Variants in UNC5C observed in about 807,000 individuals in gnomAD.
UNC5C encodes the protein unc-5 netrin receptor C, also known as netrin receptor UNC5C.
A neutral mutation model predicts 99.8 loss-of-function variants in UNC5C; 47 were observed. The ratio of observed to expected loss-of-function variants is 0.47; its 90% CI spans 0.37 to 0.60. UNC5C has a LOEUF of 0.60. UNC5C is among the 20% of genes least tolerant of loss of function. The pLI, the probability that UNC5C is intolerant of heterozygous loss-of-function variation, is 0.00. For missense variants in UNC5C, 1,062 were observed against 1,165.9 expected, an observed-to-expected ratio of 0.91 and a Z score of 1.30; for synonymous variants, 487 against 452.2, an observed-to-expected ratio of 1.08 and a Z score of -0.98.
At chr4:95,430,770 C>T (rs1746614215) in intron 1 of UNC5C, among the ~76,000 whole-genome samples, 1 of 152,114 alleles carries the variant, frequency 6.6e-6, no homozygotes, top group Non-Finnish European at 1.5e-5. Flanking sequence ...ACATTGAAAG[C>T]AGCTTTCCTT....
chr4:95,202,471 C>T lies in UNC5C; in HGVS notation c.2136+260G>A, dbSNP rs11943923. Among the ~76,000 whole-genome samples the T allele has an allele frequency of 4.8e-3, 725 of 152,276 alleles. 11 individuals carry two copies. Among genetic ancestry groups the T allele is most frequent in the African/African-American group, 0.016 (668 of 41,524 alleles). On this transcript the variant is annotated intron_variant, in intron 12 of 15. Transcript: ENST00000453304. ...ATTTACCATCCACGGGTCTCGTTGCCAAATTCTTCTAAATTTTTCATTAAA... is the reference window on the plus strand; with the variant it reads ...ATTTACCATCCACGGGTCTCGTTGCTAAATTCTTCTAAATTTTTCATTAAA...
intron 7 of UNC5C, among the ~76,000 whole-genome samples, chr4:95,224,284 A>G (rs1030596178): frequency 6.6e-6 from 1 of 152,156 alleles, no homozygotes; most frequent in Non-Finnish European, 1.5e-5. Flanking sequence ...TCTGTCTCAA[A>G]AAATAAAAAG....
chr4:95,508,868 A>G (rs1721994792), intron 1 of UNC5C, among the ~76,000 whole-genome samples: 1 of 151,978 alleles, frequency 6.6e-6, no homozygotes, highest in Non-Finnish European at 1.5e-5. Flanking sequence ...TTGGAGGAGT[A>G]AACATCTTCT....
At chr4:95,341,641 G>A (rs1579340664) in intron 1 of UNC5C, among the ~76,000 whole-genome samples, 1 of 152,056 alleles carries the variant, frequency 6.6e-6, no homozygotes, top group East Asian at 1.9e-4. Flanking sequence ...TGTCCTCCCT[G>A]CAGGAACATC....
intron 1 of UNC5C, among the ~76,000 whole-genome samples, chr4:95,520,130 C>A (rs1027769945): frequency 6.6e-6 from 1 of 152,258 alleles, no homozygotes; most frequent in East Asian, 1.9e-4. Flanking sequence ...GGTCACAGAG[C>A]TTATCAAGTC....
intron 3 of UNC5C, among the ~76,000 whole-genome samples, chr4:95,290,275 C>A (rs2149399359): frequency 6.6e-6 from 1 of 151,558 alleles, no homozygotes; most frequent in East Asian, 1.9e-4. Flanking sequence ...CCACTGCAGT[C>A]CAGTTTGGAT....
chr4:95,286,670 C>T (rs1741244343), intron 3 of UNC5C, among the ~76,000 whole-genome samples: 2 of 152,000 alleles, frequency 1.3e-5, no homozygotes, highest in Admixed American at 1.3e-4. Context: ...GATTTTTTTT[C>T]TTGAAACATG....
intron 1 of UNC5C, among the ~76,000 whole-genome samples, chr4:95,526,082 A>G (rs1372100498): frequency 6.6e-6 from 1 of 152,160 alleles, no homozygotes; most frequent in Admixed American, 6.5e-5. Context: ...AAATTCATGA[A>G]AGGGCAACGA....
rs1409396499 is a variant in UNC5C, at chr4:95,499,300, C to A, written c.124+49434G>T. On this transcript the variant is annotated intron_variant, in intron 1 of 15. Transcript: ENST00000453304. ...TGTCCCATCAGGAATGTTTTGAAGG[C>A]CAATAAACCACTCAGCCCCTGCCCT... is the stretch of plus-strand genomic sequence containing the variant. Among the ~76,000 whole-genome samples the A allele has an allele frequency of 2.0e-5, 3 of 152,174 alleles. No homozygotes were observed. The East Asian group carries it at 5.8e-4, about 29-fold the overall frequency.
chr4:95,430,549 C>T (rs778211446), intron 1 of UNC5C, among the ~76,000 whole-genome samples: 12 of 152,078 alleles, frequency 7.9e-5, no homozygotes, highest in Non-Finnish European at 1.6e-4. Flanking sequence ...TCCTTTTAAT[C>T]TTTGTCACAT....
At chr4:95,492,132 G>T (rs35449392) in intron 1 of UNC5C, among the ~76,000 whole-genome samples, 39,890 of 151,152 alleles carry the variant, frequency 0.26, 6,420 homozygotes, top group Non-Finnish European at 0.35. Context: ...TATAAAATAG[G>T]CTATATTTCC....
At chr4:95,312,982 A>G (rs369897356) in intron 2 of UNC5C, among the ~76,000 whole-genome samples, 14 of 152,336 alleles carry the variant, frequency 9.2e-5, no homozygotes, top group African/African-American at 3.1e-4. Flanking sequence ...AACTTAGAAA[A>G]TTCTGGAAAT....
chr4:95,420,429 C>T (rs1746284270), intron 1 of UNC5C, among the ~76,000 whole-genome samples: 1 of 151,998 alleles, frequency 6.6e-6, no homozygotes, highest in Non-Finnish European at 1.5e-5. Flanking sequence ...CTAATTTGTT[C>T]TAGTTATTAG....
intron 1 of UNC5C, among the ~76,000 whole-genome samples, chr4:95,362,257 T>C (rs1744417843): frequency 6.6e-6 from 1 of 152,142 alleles, no homozygotes; most frequent in South Asian, 2.1e-4. Flanking sequence ...CTCCTGCCCA[T>C]CGGAGCGTTC....
At chr4:95,478,782 T>A (rs73838881) in intron 1 of UNC5C, among the ~76,000 whole-genome samples, 4,429 of 152,152 alleles carry the variant, frequency 0.029, 98 homozygotes, top group African/African-American at 0.067. Context: ...ATATGAAAAT[T>A]TGATCCCCAG....
intron 1 of UNC5C, among the ~76,000 whole-genome samples, chr4:95,349,096 T>C (rs1743887414): frequency 6.6e-6 from 1 of 151,436 alleles, no homozygotes; most frequent in Non-Finnish European, 1.5e-5. Flanking sequence ...AAATTTATTA[T>C]ACATTTCAAC....
chr4:95,273,076 G>T (rs1046224007), intron 4 of UNC5C, among the ~76,000 whole-genome samples: 1 of 152,148 alleles, frequency 6.6e-6, no homozygotes, highest in Non-Finnish European at 1.5e-5. Context: ...TGTTTATCAC[G>T]ACTATACTCA....
intron 1 of UNC5C, among the ~76,000 whole-genome samples, chr4:95,491,685 G>A (rs1016368165): frequency 1.3e-5 from 2 of 151,516 alleles, no homozygotes; most frequent in African/African-American, 2.4e-5. Flanking sequence ...AAATTATGAA[G>A]CAATAGTAAA....
At chr4:95,530,037 C>T (rs938278077) in intron 1 of UNC5C, among the ~76,000 whole-genome samples, 10 of 152,242 alleles carry the variant, frequency 6.6e-5, no homozygotes, top group South Asian at 2.1e-4. Context: ...TTAGATGGGG[C>T]TATCTTAAGT....
Sources: gnomAD v4.1 joint callset for allele counts (sites outside exome capture counted in the v4.1 genomes callset) on GRCh38, gnomAD v4.1.1 for gene constraint, MANE v1.5 for transcripts, NCBI Gene and HGNC (gene_info 2026-07-23, HGNC 2026-07-21) for gene names.